CACNA1G: variants seen among roughly 807,000 people sequenced by gnomAD.
CACNA1G encodes the protein calcium voltage-gated channel subunit alpha1 G, also known as voltage-dependent T-type calcium channel subunit alpha-1G.
In CACNA1G, 67 loss-of-function variants were observed where a neutral mutation model predicts 219.4. The ratio of observed to expected loss-of-function variants is 0.31; its 90% CI spans 0.25 to 0.37. The LOEUF (loss-of-function observed/expected upper bound fraction) is 0.37. CACNA1G is among the 10% of genes least tolerant of loss of function. The probability of loss-of-function intolerance (pLI) is 1.00; values close to 1 mark genes in which losing one functional copy is unlikely to be tolerated. For missense variants in CACNA1G, 2,380 were observed against 3,231.4 expected (o/e 0.74, Z 6.39); for synonymous variants, 1,296 against 1,345.3 (o/e 0.96, Z 0.80).
chr17:50,602,777 G>C, intron 19 of CACNA1G, 43 bp from the exon 20 acceptor site: 1 of 1,585,656 alleles, frequency 6.3e-7, no homozygotes. Flanking sequence ...GCCCAAGGGT[G>C]GGGGCTTCCT....
chr17:50,586,830 G>A (rs79483836), intron 9 of CACNA1G, among the ~76,000 whole-genome samples: 4 of 152,362 alleles, frequency 2.6e-5, no homozygotes, highest in African/African-American at 7.2e-5. Context: ...GGGGAGCCCC[G>A]GTGCTGGGAA....
rs781385151 is a variant in CACNA1G, at chr17:50,607,977, C to A, written c.4663C>A (p.Arg1555=). Residue 1555 remains arginine, a synonymous_variant, in exon 25 of 38, where the codon CGG becomes AGG. Coordinates refer to ENST00000359106, the MANE Select transcript of CACNA1G (RefSeq NM_018896.5). ...QHQEEEEARR[R]EEKRLRRLEK... is the part of the protein sequence containing the mutation. Reference sequence around the variant, plus strand: ...CCAGGAGGAAGAGGAGGCCCGGCGGCGGGAGGAGAAGCGCCTACGAAGACT... The same window carrying A: ...CCAGGAGGAAGAGGAGGCCCGGCGGAGGGAGGAGAAGCGCCTACGAAGACT... The A allele has an allele frequency of 6.2e-7, 1 of 1,613,226 alleles. No individual in the cohort carries two copies. Among genetic ancestry groups the A allele is most frequent in the Admixed American group, 1.7e-5 (1 of 59,868 alleles).
chr17:50,565,385 G>GA (rs1555632669), intron 1 of CACNA1G, among the ~76,000 whole-genome samples: 1 of 144,972 alleles, frequency 6.9e-6, no homozygotes, highest in African/African-American at 2.5e-5. Flanking sequence ...TGTGGGGTGG[G>GA]GCGGGGGGTT....
rs759544006 is a variant in CACNA1G, at chr17:50,596,801, A to T, written c.3136A>T (p.Thr1046Ser). 1.2e-6 allele frequency: 2 copies of T among 1,611,730 alleles called. No homozygotes were observed. The highest frequency in any genetic ancestry group is 1.7e-6 in the Non-Finnish European group (2 of 1,179,582). The change falls in exon 16 of 38, where the codon ACA (threonine) becomes TCA (serine). Residue 1046 changes from threonine to serine, a missense_variant. Physicochemically the swap from Thr to Ser is moderately conservative, Grantham distance 58. This residue lies in a region of CACNA1G where 418 missense variants were observed against 434.3 expected (regional missense o/e 0.96). Coordinates refer to ENST00000359106, the MANE Select transcript of CACNA1G (RefSeq NM_018896.5). This position sits in a 1 kb window ranked among gnomAD's most constrained non-coding sequence, Gnocchi z 4.8. ...LPPLIIHTAATPMSLPKSTST... is the reference protein window; with the variant it reads ...LPPLIIHTAASPMSLPKSTST... The stretch of plus-strand genomic sequence containing the variant: ...GCCTCTCATCATCCACACGGCCGCC[A>T]CACCCATGTCGCTGCCCAAGAGCAC...
Position 50,603,326 on chromosome 17 carries a change from C to CAG in CACNA1G, c.4169+128_4169+129insGA. On this transcript the variant is annotated intron_variant, in intron 21 of 37. Transcript: ENST00000359106. The surrounding 1 kb of genome is among the most constrained non-coding windows in gnomAD (Gnocchi z 6.4). ...AGGCCAGCATCCTGTCTGTGACCCCCACAGGCGATCCTGTCCCCGCCCCAG... is the reference window on the plus strand; with the variant it reads ...AGGCCAGCATCCTGTCTGTGACCCCCAGACAGGCGATCCTGTCCCCGCCCCAG... 2.5e-6 allele frequency: 2 copies of CAG among 785,698 alleles called. No homozygotes were observed. Among genetic ancestry groups the CAG allele is most frequent in the Non-Finnish European group, 4.0e-6 (2 of 495,474 alleles). The allele number at this position is 785,698 out of a possible 1,614,324, so 48.7% of individuals were successfully genotyped here.
chr17:50,601,300 C>T, intron 19 of CACNA1G, 126 bp downstream of exon 19: 1 of 1,197,226 alleles, frequency 8.4e-7, no homozygotes, highest in South Asian at 1.5e-5. Flanking sequence ...GGGGCCAGGA[C>T]TCTCCTTTAG....
chr17:50,626,051 G>T lies in CACNA1G; in HGVS notation c.6434G>T (p.Gly2145Val), dbSNP rs753920946. ...AIRTDSLDVQ[G>V]LGSREDLLAE... The stretch of plus-strand genomic sequence containing the variant: ...AGGACTGACTCCTTGGACGTTCAGG[G>T]TCTGGGCAGCCGGGAAGACCTGCTG... Residue 2145 changes from glycine to valine, a missense_variant, in exon 38 of 38, where the codon GGT becomes GTT. Coordinates refer to ENST00000359106, the MANE Select transcript of CACNA1G (RefSeq NM_018896.5). The surrounding 1 kb of genome is among the most constrained non-coding windows in gnomAD (Gnocchi z 4.3). 1 of 1,613,184 alleles carries T rather than the reference G, an allele frequency of 6.2e-7. No individual in the cohort carries two copies. The highest frequency in any genetic ancestry group is 2.2e-5 in the East Asian group (1 of 44,854).
In CACNA1G at chr17:50,608,017, G is replaced by A. The variant is rs866073723; in HGVS notation, c.4703G>A (p.Arg1568Lys). The change falls in exon 25 of 38, where the codon AGG (arginine) becomes AAG (lysine). Residue 1568 changes from arginine to lysine, a missense_variant and splice_region_variant. By Grantham distance (26) the Arg-to-Lys change is conservative (BLOSUM62 2). Coordinates refer to ENST00000359106, the MANE Select transcript of CACNA1G (RefSeq NM_018896.5). ...CTACGAAGACTGGAGAAAAAGAGAA[G>A]GAGTAAGGAGAAGCAGATGGCTGGT... ...KRLRRLEKKRRNLMLDDVIAS... is the reference protein window; with the variant it reads ...KRLRRLEKKRKNLMLDDVIAS... The A allele has an allele frequency of 3.1e-6, 5 of 1,604,826 alleles. No individual in the cohort carries two copies. The highest frequency in any genetic ancestry group is 4.3e-6 in the Non-Finnish European group (5 of 1,175,622).
chr17:50,607,647 C>T, intron 24 of CACNA1G, 180 bp from the exon 25 acceptor site: 1 of 591,746 alleles, frequency 1.7e-6, no homozygotes, highest in East Asian at 2.8e-5. Context: ...AATCTACTCT[C>T]CCCTTTACCA....
intron 16 of CACNA1G, 127 bp downstream of exon 16, chr17:50,597,050 T>A (rs1162272699): frequency 1.1e-5 from 10 of 915,396 alleles, no homozygotes; most frequent in Non-Finnish European, 1.4e-5. Context: ...GGCCTGGGTG[T>A]GCCTGGACAA....
chr17:50,610,184 G>A (rs1049308959), intron 26 of CACNA1G, among the ~76,000 whole-genome samples: 5 of 152,156 alleles, frequency 3.3e-5, no homozygotes, highest in Non-Finnish European at 7.4e-5. Flanking sequence ...GGCTTCCTTG[G>A]CCGGCCAAGC....
chr17:50,583,826 C>A (rs1030730402), intron 9 of CACNA1G, among the ~76,000 whole-genome samples: 1 of 152,198 alleles, frequency 6.6e-6, no homozygotes, highest in South Asian at 2.1e-4. Flanking sequence ...GTTAGCCCAG[C>A]GAGGAAGCCG....
rs866995130 is a variant in CACNA1G, at chr17:50,568,783, A to T, written c.243-87A>T. 1.5e-5 allele frequency: 15 copies of T among 981,386 alleles called. No homozygotes were observed. The Middle Eastern group carries it at 6.1e-4, about 40-fold the overall frequency. The allele number at this position is 981,386 out of a possible 1,614,324, so 60.8% of individuals were successfully genotyped here. A position where few individuals can be genotyped will look rare whatever the true frequency, so the allele number is the denominator to read the frequency against. On this transcript the variant is annotated intron_variant, in intron 1 of 37. Transcript: ENST00000359106. ...CTGCTTAGCCTCAGATGGAGCCAGG[A>T]GGTAAACGAGGAGGAGGTGTTAGGG...
At chr17:50,570,624 G>A (rs112382449) in intron 4 of CACNA1G, among the ~76,000 whole-genome samples, 5,884 of 142,320 alleles carry the variant, frequency 0.041, 149 homozygotes, top group Non-Finnish European at 0.06. Flanking sequence ...CAGAGCTGTT[G>A]AATGTGTCCT....
chr17:50,617,034 A>T lies in CACNA1G; in HGVS notation c.5022-404A>T, dbSNP rs2050742226. ...TATTTTTTATTTTTATTTTTAGTAG[A>T]TACAGGGTCTCACTATGTTGCCCAG... On this transcript the variant is annotated intron_variant, in intron 28 of 37. Transcript: ENST00000359106. This position sits in a 1 kb window ranked among gnomAD's most constrained non-coding sequence, Gnocchi z 5.8. 6.6e-6 allele frequency among the ~76,000 whole-genome samples: 1 copy of T among 151,896 alleles called. No homozygotes were observed. The highest frequency in any genetic ancestry group is 1.5e-5 in the Non-Finnish European group (1 of 67,986).
chr17:50,560,724 G>A lies in CACNA1G; in HGVS notation c.-736G>A, dbSNP rs1197079291. On this transcript the variant is annotated 5_prime_UTR_variant, in exon 1 of 38. Transcript: ENST00000359106. ...GGGATCCAGCTGTGGTGTGCGCGGG[G>A]CTCCTCGCCGCCGCTTTCGCTCGCT... Among the ~76,000 whole-genome samples, 1 of 152,190 alleles carries A rather than the reference G, an allele frequency of 6.6e-6. No individual in the cohort carries two copies. Among genetic ancestry groups the A allele is most frequent in the East Asian group, 1.9e-4 (1 of 5,196 alleles).
rs754427344 is a variant in CACNA1G at position 50,575,783 on chromosome 17, C to T, written c.1381C>T (p.Arg461Trp). The T allele has an allele frequency of 4.2e-5, 66 of 1,554,542 alleles. No homozygotes were observed. The African/African-American group carries it at 7.7e-4, about 18-fold the overall frequency. The change falls in exon 8 of 38, where the codon CGG becomes TGG. Residue 461 changes from arginine (R) to tryptophan (W), a missense_variant. By Grantham distance (101) the Arg-to-Trp change is moderately radical. Around this residue, in one of 17 missense-constraint regions of CACNA1G, gnomAD observed 434 missense variants for 417.3 expected, o/e 1.04. Coordinates refer to ENST00000359106, the MANE Select transcript of CACNA1G (RefSeq NM_018896.5). Reference sequence around the variant, plus strand: ...TCAGGTCTCTCGGGCAGCAGGTGTGCGGGTTGGGCTGCTCAGCAGCCCAGC... The same window carrying T: ...TCAGGTCTCTCGGGCAGCAGGTGTGTGGGTTGGGCTGCTCAGCAGCCCAGC... Reference protein sequence around the residue: ...LAQVSRAAGVRVGLLSSPAPL... With the variant: ...LAQVSRAAGVWVGLLSSPAPL...
At chr17:50,577,791 C>T (rs532750304) in intron 8 of CACNA1G, among the ~76,000 whole-genome samples, 7 of 152,124 alleles carry the variant, frequency 4.6e-5, no homozygotes, top group Admixed American at 1.3e-4. Flanking sequence ...TGCAAGTGCA[C>T]GTGTGTGGGC....
chr17:50,570,739 C>A (rs1436416262), intron 4 of CACNA1G, among the ~76,000 whole-genome samples: 1 of 152,072 alleles, frequency 6.6e-6, no homozygotes, highest in East Asian at 1.9e-4. Flanking sequence ...AGGCCTCTGT[C>A]TAACCACCGG....
Sources: gnomAD v4.1 joint callset for allele counts (sites outside exome capture counted in the v4.1 genomes callset) on GRCh38, gnomAD v4.1.1 for gene constraint, gnomAD v4.1.1 regional missense constraint, Gnocchi (gnomAD v3.1) non-coding constraint, MANE v1.5 for transcripts, NCBI Gene and HGNC (gene_info 2026-07-23, HGNC 2026-07-21) for gene names.